ADAMTSL1: variants seen among roughly 807,000 people sequenced by gnomAD.
ADAMTSL1 encodes ADAMTS like 1.
A neutral mutation model predicts 201.8 loss-of-function variants in ADAMTSL1; 126 were observed. That is an observed-to-expected ratio of 0.62 (90% CI 0.54 to 0.72). The LOEUF (loss-of-function observed/expected upper bound fraction) is 0.72. ADAMTSL1 is among the 30% of genes least tolerant of loss of function. The pLI is 0.00. For missense variants in ADAMTSL1, 2,679 were observed against 2,277.8 expected, an observed-to-expected ratio of 1.18 and a Z score of -3.59; for synonymous variants, 1,121 against 903.4, an observed-to-expected ratio of 1.24 and a Z score of -4.32.
intron 2 of ADAMTSL1, among the ~76,000 whole-genome samples, chr9:18,298,006 T>A (rs567568422): frequency 6.6e-6 from 1 of 152,164 alleles, no homozygotes; most frequent in South Asian, 2.1e-4. Context: ...TAAAGTAGCA[T>A]CATAAAAACA....
At chr9:18,254,179 C>T (rs2071348768) in intron 2 of ADAMTSL1, among the ~76,000 whole-genome samples, 1 of 151,982 alleles carries the variant, frequency 6.6e-6, no homozygotes, top group Non-Finnish European at 1.5e-5. Flanking sequence ...TAATCACGTC[C>T]ACCTCACTGG....
At chr9:18,842,288 G>A (rs187869128) in intron 23 of ADAMTSL1, among the ~76,000 whole-genome samples, 14 of 152,020 alleles carry the variant, frequency 9.2e-5, no homozygotes, top group African/African-American at 9.7e-5. Context: ...CCTTCATTTC[G>A]TTATGTACCC....
chr9:18,184,734 A>T (rs1191488237), intron 2 of ADAMTSL1, among the ~76,000 whole-genome samples: 1 of 152,222 alleles, frequency 6.6e-6, no homozygotes, highest in Non-Finnish European at 1.5e-5. Context: ...AGAAGAAAAA[A>T]ATATGAGGCA....
chr9:18,507,897 C>T (rs1817781864), intron 2 of ADAMTSL1, among the ~76,000 whole-genome samples: 1 of 152,100 alleles, frequency 6.6e-6, no homozygotes, highest in Non-Finnish European at 1.5e-5. Flanking sequence ...AATCAAAATT[C>T]AGTTTGGCCA....
At chr9:18,798,572 A>G (rs888602718) in intron 20 of ADAMTSL1, among the ~76,000 whole-genome samples, 1 of 152,224 alleles carries the variant, frequency 6.6e-6, no homozygotes, top group Non-Finnish European at 1.5e-5. Context: ...GATGCTCACA[A>G]ACCCTTTGTA....
At chr9:18,849,266 A>G (rs963196138) in intron 23 of ADAMTSL1, among the ~76,000 whole-genome samples, 1 of 152,054 alleles carries the variant, frequency 6.6e-6, no homozygotes, top group East Asian at 1.9e-4. Flanking sequence ...TTTCTATTCT[A>G]ATTGTAGCTT....
At chr9:18,278,785 A>T (rs1031161851) in intron 2 of ADAMTSL1, among the ~76,000 whole-genome samples, 25 of 152,112 alleles carry the variant, frequency 1.6e-4, no homozygotes, top group African/African-American at 6.0e-4. Context: ...TGGGAGTCTC[A>T]TGCAAATTTT....
At chr9:17,920,037 C>T (rs1438922377) in intron 1 of ADAMTSL1, among the ~76,000 whole-genome samples, 1 of 152,086 alleles carries the variant, frequency 6.6e-6, no homozygotes, top group Non-Finnish European at 1.5e-5. Context: ...AGTGATTCCT[C>T]ATTGTGATTT....
chr9:18,542,160 C>G (rs913409409), intron 3 of ADAMTSL1, among the ~76,000 whole-genome samples: 16 of 151,948 alleles, frequency 1.1e-4, no homozygotes, highest in African/African-American at 3.4e-4. Flanking sequence ...ACACATATTC[C>G]TGTATTTGTA....
rs965258135 is a variant in ADAMTSL1 at position 17,944,545 on chromosome 9, C to A, written c.87+37623C>A. 9.4e-4 allele frequency among the ~76,000 whole-genome samples: 123 copies of A among 130,978 alleles called. 2 individuals carry two copies. The South Asian group carries it at 0.032, about 34-fold the overall frequency. The allele number at this position is 130,978 out of a possible 152,430, so 85.9% of individuals were successfully genotyped here. ...CAAAAGAACAAAGCTGGAGGCATCA[C>A]ACTACCTGACTTCAAACTATACTAC... is the stretch of plus-strand genomic sequence containing the variant. On this transcript the variant is annotated intron_variant, in intron 1 of 29. Coordinates refer to the ADAMTSL1 transcript ENST00000680146.
chr9:18,300,761 A>G (rs1346575822), intron 2 of ADAMTSL1, among the ~76,000 whole-genome samples: 1 of 152,200 alleles, frequency 6.6e-6, no homozygotes. Context: ...AGATTAAGGC[A>G]AAGGGAAGTC....
At chr9:18,010,011 T>C (rs1169969380) in intron 1 of ADAMTSL1, among the ~76,000 whole-genome samples, 1 of 152,044 alleles carries the variant, frequency 6.6e-6, no homozygotes, top group African/African-American at 2.4e-5. Flanking sequence ...ATCAATGATA[T>C]GGGAAATTTA....
At chr9:18,865,073 G>T (rs891008631) in intron 23 of ADAMTSL1, among the ~76,000 whole-genome samples, 3 of 151,740 alleles carry the variant, frequency 2.0e-5, no homozygotes, top group African/African-American at 7.3e-5. Flanking sequence ...AAGTTCTAGG[G>T]TACATGTGCA....
intron 15 of ADAMTSL1, among the ~76,000 whole-genome samples, chr9:18,732,244 G>C (rs148555293): frequency 1.3e-3 from 205 of 152,218 alleles, no homozygotes; most frequent in African/African-American, 4.6e-3. Context: ...TAACCCACTA[G>C]TATGGGGCAG....
intron 1 of ADAMTSL1, among the ~76,000 whole-genome samples, chr9:17,991,374 T>C (rs1819143048): frequency 6.6e-6 from 1 of 152,130 alleles, no homozygotes; most frequent in Non-Finnish European, 1.5e-5. Context: ...CATGATTATA[T>C]GTAGACAGGT....
intron 2 of ADAMTSL1, among the ~76,000 whole-genome samples, chr9:18,286,808 A>G (rs1427429569): frequency 2.0e-5 from 3 of 152,174 alleles, no homozygotes; most frequent in African/African-American, 7.2e-5. Flanking sequence ...ACATATAATT[A>G]ATTCACTAGA....
rs943236784 is a variant in ADAMTSL1, at chr9:18,699,441, T to C, written c.1575-7306T>C. The stretch of plus-strand genomic sequence containing the variant: ...CTGGGTGCAAGAGATCCTCCCACCT[T>C]AGCCTTCCTGGTCACTGGGACTACA... On this transcript the variant is annotated intron_variant, in intron 13 of 28. Coordinates refer to ENST00000380548, the MANE Select transcript of ADAMTSL1 (RefSeq NM_001040272.6). 2.0e-5 allele frequency among the ~76,000 whole-genome samples: 3 copies of C among 151,628 alleles called. No homozygotes were observed. In the East Asian group the frequency reaches 5.8e-4, roughly 30 times the overall value.
At chr9:18,380,798 A>G (rs555662428) in intron 2 of ADAMTSL1, among the ~76,000 whole-genome samples, 7 of 152,316 alleles carry the variant, frequency 4.6e-5, no homozygotes, top group African/African-American at 1.7e-4. Flanking sequence ...GTTTCTGTCC[A>G]TTCTATTTTC....
At chr9:18,130,201 TCA>T (rs1157928632) in intron 1 of ADAMTSL1, among the ~76,000 whole-genome samples, 11 of 152,262 alleles carry the variant, frequency 7.2e-5, no homozygotes, top group African/African-American at 2.4e-4. Context: ...CCCTCTGCCT[TCA>T]CAGGGGCATT....
Sources: allele counts gnomAD v4.1 joint callset (sites outside exome capture counted in the v4.1 genomes callset), GRCh38; gene constraint gnomAD v4.1.1; transcripts MANE v1.5; gene names NCBI Gene and HGNC (gene_info 2026-07-23, HGNC 2026-07-21).